The following SYNPR variants were observed in gnomAD, a reference collection of about 807,000 sequenced individuals.
SYNPR encodes the protein synaptoporin.
A neutral mutation model predicts 32.9 loss-of-function variants in SYNPR; 23 were observed. That is an observed-to-expected ratio of 0.70 (90% CI 0.50 to 0.99). SYNPR has a LOEUF of 0.99. SYNPR is among the 50% of genes least tolerant of loss of function. The pLI, the probability that SYNPR is intolerant of heterozygous loss-of-function variation, is 0.00. For synonymous variants in SYNPR, 146 were observed against 135.9 expected (o/e 1.07, Z -0.52); for missense variants, 318 against 349.3 (o/e 0.91, Z 0.71).
At chr3:63,460,692 G>A (rs994013426) in intron 2 of SYNPR, among the ~76,000 whole-genome samples, 8 of 151,616 alleles carry the variant, frequency 5.3e-5, no homozygotes, top group Non-Finnish European at 5.9e-5. Context: ...CTTGAAGACC[G>A]AAAGCCTTGA....
intron 3 of SYNPR, among the ~76,000 whole-genome samples, chr3:63,522,589 C>A (rs1019426848): frequency 2.6e-5 from 4 of 152,142 alleles, no homozygotes; most frequent in Non-Finnish European, 4.4e-5. Flanking sequence ...CCAAAGGTTG[C>A]AATAGACTTC....
At chr3:63,425,289 C>T (rs1446801067) in intron 2 of SYNPR, among the ~76,000 whole-genome samples, 1 of 152,086 alleles carries the variant, frequency 6.6e-6, no homozygotes, top group Non-Finnish European at 1.5e-5. Flanking sequence ...GAGTAGTCAG[C>T]TGATTGGTGG....
chr3:63,393,753 C>T (rs2088175491), intron 2 of SYNPR, among the ~76,000 whole-genome samples: 1 of 152,056 alleles, frequency 6.6e-6, no homozygotes, highest in Admixed American at 6.6e-5. Context: ...TCAAGCAATC[C>T]TCCCACCTCA....
chr3:63,594,994 A>C (rs191807530), intron 4 of SYNPR, among the ~76,000 whole-genome samples: 1 of 152,298 alleles, frequency 6.6e-6, no homozygotes, highest in African/African-American at 2.4e-5. Flanking sequence ...ACAGACCCCA[A>C]GTAAGGGATA....
chr3:63,498,490 A>G (rs1464980492), intron 3 of SYNPR, among the ~76,000 whole-genome samples: 2 of 152,136 alleles, frequency 1.3e-5, no homozygotes, highest in Non-Finnish European at 2.9e-5. Flanking sequence ...ACAAAAATTA[A>G]ACAGAGTGAT....
intron 1 of SYNPR, among the ~76,000 whole-genome samples, chr3:63,240,138 A>T (rs773511713): frequency 1.3e-4 from 20 of 152,104 alleles, no homozygotes; most frequent in Non-Finnish European, 2.4e-4. Flanking sequence ...GTTTTTGAAA[A>T]TATAAAACAC....
intron 3 of SYNPR, among the ~76,000 whole-genome samples, chr3:63,493,165 C>G (rs1347218013): frequency 6.6e-6 from 1 of 152,024 alleles, no homozygotes; most frequent in East Asian, 1.9e-4. Flanking sequence ...GTGGTGGAGA[C>G]CTGTGTTCCC....
At chr3:63,388,698 G>T (rs2088091040) in intron 2 of SYNPR, among the ~76,000 whole-genome samples, 1 of 151,850 alleles carries the variant, frequency 6.6e-6, no homozygotes, top group African/African-American at 2.4e-5. Flanking sequence ...TAACGCCTGG[G>T]ATTATAGGCG....
chr3:63,422,757 G>C (rs1026845076), intron 2 of SYNPR, among the ~76,000 whole-genome samples: 1 of 151,856 alleles, frequency 6.6e-6, no homozygotes, highest in Admixed American at 6.6e-5. Flanking sequence ...AAAAAAAGAC[G>C]AATATGGCTA....
At chr3:63,543,705 T>A (rs955691275) in intron 3 of SYNPR, among the ~76,000 whole-genome samples, 1 of 152,080 alleles carries the variant, frequency 6.6e-6, no homozygotes, top group Non-Finnish European at 1.5e-5. Flanking sequence ...ATTGAAAAAG[T>A]GTCCAAATTG....
At chr3:63,427,589 G>A (rs1485424007) in intron 2 of SYNPR, 3 of 152,288 alleles carry the variant, frequency 2.0e-5, no homozygotes, top group Non-Finnish European at 2.9e-5. Flanking sequence ...TGTCTCTGAG[G>A]AGACAGAAGC....
At chr3:63,248,556 G>GA (rs1298191786) in intron 1 of SYNPR, among the ~76,000 whole-genome samples, 1 of 152,110 alleles carries the variant, frequency 6.6e-6, no homozygotes, top group Admixed American at 6.6e-5. Flanking sequence ...GAGGTGTTGA[G>GA]AAAAAATTAA....
chr3:63,208,078 A>G, the SYNPR span, among the ~76,000 whole-genome samples: 12 of 151,984 alleles, frequency 7.9e-5, 1 homozygote, highest in South Asian at 4.2e-4. Context: ...CACAGAGTCA[A>G]TAACTTCCAG....
intron 4 of SYNPR, among the ~76,000 whole-genome samples, chr3:63,566,403 T>C (rs140793119): frequency 2.0e-3 from 304 of 152,322 alleles, no homozygotes; most frequent in African/African-American, 6.8e-3. Context: ...TGAAACAAAA[T>C]TTCATGTTAT....
At chr3:63,595,748 TA>T (rs1699932393) in intron 4 of SYNPR, among the ~76,000 whole-genome samples, 4 of 39,366 alleles carry the variant, frequency 1.0e-4, no homozygotes, top group African/African-American at 5.8e-4. Flanking sequence ...TATATATATA[TA>T]TATATATATA....
chr3:63,589,686 C>T (rs987384666), intron 4 of SYNPR, among the ~76,000 whole-genome samples: 4 of 150,352 alleles, frequency 2.7e-5, no homozygotes, highest in Admixed American at 1.3e-4. Context: ...AGCATATAAA[C>T]GAGCCAAAGA....
chr3:63,313,572 TTG>T (rs1394654212), intron 2 of SYNPR, among the ~76,000 whole-genome samples: 1 of 148,232 alleles, frequency 6.7e-6, no homozygotes, highest in Non-Finnish European at 1.5e-5. Flanking sequence ...TAGTATTCCA[TTG>T]TGTGTGTATG....
chr3:63,387,709 G>C (rs144615245), intron 2 of SYNPR, among the ~76,000 whole-genome samples: 2 of 152,164 alleles, frequency 1.3e-5, no homozygotes, highest in African/African-American at 2.4e-5. Context: ...TAGGCCAAAA[G>C]AATAAGTGAG....
chr3:63,592,315 G>C (rs1208122475), intron 4 of SYNPR, among the ~76,000 whole-genome samples: 2 of 152,076 alleles, frequency 1.3e-5, no homozygotes, highest in Non-Finnish European at 2.9e-5. Flanking sequence ...TAAGCCACTT[G>C]GTTCATGATA....
Sources: gnomAD v4.1 joint callset for allele counts (sites outside exome capture counted in the v4.1 genomes callset) on GRCh38, gnomAD v4.1.1 for gene constraint, MANE v1.5 for transcripts, NCBI Gene and HGNC (gene_info 2026-07-23, HGNC 2026-07-21) for gene names.